GDAP1: variants seen among roughly 807,000 people sequenced by gnomAD.
GDAP1 encodes the protein ganglioside induced differentiation associated protein 1, also known as ganglioside-induced differentiation-associated protein 1.
Under a neutral mutation model 40.1 loss-of-function variants are expected in GDAP1, and 34 were observed. The ratio of observed to expected loss-of-function variants is 0.85; its 90% CI spans 0.64 to 1.13. The LOEUF (loss-of-function observed/expected upper bound fraction) is 1.13. Ranked by LOEUF, GDAP1 falls within the 50% of genes most tolerant of loss-of-function variation. The probability of loss-of-function intolerance (pLI) is 0.00; values close to 1 mark genes in which losing one functional copy is unlikely to be tolerated. For missense variants in GDAP1, 374 were observed against 433.7 expected (o/e 0.86, Z 1.22); for synonymous variants, 170 against 157.4 (o/e 1.08, Z -0.60).
intron 2 of GDAP1, among the ~76,000 whole-genome samples, chr8:74,447,105 ACT>A (rs1279476208): frequency 2.6e-5 from 4 of 152,140 alleles, no homozygotes; most frequent in Admixed American, 1.3e-4. Flanking sequence ...ATGAAAAAAC[ACT>A]CTATTTTATA....
At chr8:74,417,649 C>T (rs781306472) in intron 2 of GDAP1, among the ~76,000 whole-genome samples, 7 of 145,764 alleles carry the variant, frequency 4.8e-5, no homozygotes, top group Middle Eastern at 3.5e-3. Context: ...CCCAACTACT[C>T]GGGAGGCCAA....
chr8:74,380,965 A>C (rs991064670), intron 2 of GDAP1, among the ~76,000 whole-genome samples: 1 of 152,102 alleles, frequency 6.6e-6, no homozygotes, highest in Non-Finnish European at 1.5e-5. Flanking sequence ...TGTCCAGTGC[A>C]ATTTTCTTTG....
chr8:74,420,260 G>GGTCA (rs1257576417), intron 2 of GDAP1, among the ~76,000 whole-genome samples: 2 of 152,018 alleles, frequency 1.3e-5, no homozygotes, highest in East Asian at 3.9e-4. Flanking sequence ...AAATGGAAGT[G>GGTCA]GTCAGTCTTT....
At chr8:74,358,253 G>C (rs1167906309) in intron 2 of GDAP1, among the ~76,000 whole-genome samples, 1 of 152,188 alleles carries the variant, frequency 6.6e-6, no homozygotes, top group African/African-American at 2.4e-5. Context: ...TGTTTTTCCT[G>C]CTCTCATTCA....
chr8:74,396,709 T>C (rs991215501), intron 2 of GDAP1, among the ~76,000 whole-genome samples: 2 of 152,242 alleles, frequency 1.3e-5, no homozygotes, highest in African/African-American at 4.8e-5. Context: ...GGCTGCATAG[T>C]ATTCCATGGT....
intron 2 of GDAP1, among the ~76,000 whole-genome samples, chr8:74,476,415 A>G (rs13265028): frequency 0.39 from 58,847 of 151,984 alleles, 11,946 homozygotes; most frequent in East Asian, 0.47. Context: ...TGCAGTGGCC[A>G]ATAATGGTCT....
intron 2 of GDAP1, among the ~76,000 whole-genome samples, chr8:74,479,861 G>C (rs1287398695): frequency 1.3e-5 from 2 of 152,150 alleles, no homozygotes; most frequent in Admixed American, 1.3e-4. Flanking sequence ...GAGGCTGTAG[G>C]GTTTTTTGAG....
downstream of GDAP1, among the ~76,000 whole-genome samples, chr8:74,370,624 C>T (rs1809731717): frequency 3.9e-5 from 6 of 152,152 alleles, no homozygotes; most frequent in Admixed American, 3.9e-4. Context: ...AGGTGGTAGA[C>T]TTAAACACAC....
Position 74,412,205 on chromosome 8 carries a change from T to C in GDAP1, c.165+60884T>C, listed in dbSNP as rs899109366. 6.7e-5 allele frequency among the ~76,000 whole-genome samples: 10 copies of C among 150,144 alleles called. 1 individual carries two copies. Among genetic ancestry groups the C allele is most frequent in the Admixed American group, 2.0e-4 (3 of 15,242 alleles). ...ATTGGATGAGTTAAAAATCAGATTA[T>C]AGTTAGACAAAGAGAAAATGATTAA... On this transcript the variant is annotated intron_variant, in intron 2 of 2. Coordinates refer to the GDAP1 transcript ENST00000523640.
chr8:74,473,963 G>T (rs1416430531), intron 2 of GDAP1, among the ~76,000 whole-genome samples: 3 of 152,028 alleles, frequency 2.0e-5, no homozygotes, highest in African/African-American at 7.3e-5. Context: ...CCATTTATTT[G>T]TTTCACCTCT....
intron 2 of GDAP1, among the ~76,000 whole-genome samples, chr8:74,378,457 G>A (rs1188851026): frequency 2.0e-5 from 3 of 152,188 alleles, no homozygotes; most frequent in African/African-American, 7.2e-5. Context: ...CTCTAAAGTG[G>A]TGGCCTCCCT....
intron 3 of GDAP1, among the ~76,000 whole-genome samples, 163 bp downstream of exon 3, chr8:74,360,473 T>A (rs1809311141): frequency 6.6e-6 from 1 of 152,236 alleles, no homozygotes; most frequent in African/African-American, 2.4e-5. Context: ...ACCAGTCGGA[T>A]TAATCTGTGC....
At chr8:74,471,555 T>G (rs1407442035) in intron 2 of GDAP1, among the ~76,000 whole-genome samples, 1 of 152,174 alleles carries the variant, frequency 6.6e-6, no homozygotes, top group African/African-American at 2.4e-5. Context: ...TGATTTTTCA[T>G]TGACTTTTTA....
Position 74,376,043 on chromosome 8 carries a change from C to A in GDAP1, c.165+24722C>A, listed in dbSNP as rs181148187. On this transcript the variant is annotated intron_variant, in intron 2 of 2. Transcript: ENST00000523640. ...ACCAAAAAAGGTAAAACACTAAACA[C>A]TTAGAATTTAACCGATGTATAATAC... is the stretch of plus-strand genomic sequence containing the variant. 2.8e-4 allele frequency among the ~76,000 whole-genome samples: 42 copies of A among 152,210 alleles called. No individual in the cohort carries two copies. The East Asian group carries it at 5.8e-3, about 21-fold the overall frequency.
At chr8:74,474,824 G>A (rs1586846564) in intron 2 of GDAP1, among the ~76,000 whole-genome samples, 1 of 152,124 alleles carries the variant, frequency 6.6e-6, no homozygotes, top group Admixed American at 6.6e-5. Context: ...AGTTGGGGAG[G>A]GATCCCTTCT....
chr8:74,361,735 T>G (rs541643635), intron 3 of GDAP1, 149 bp from the exon 4 acceptor site: 10 of 653,504 alleles, frequency 1.5e-5, no homozygotes, highest in Non-Finnish European at 2.8e-5. Flanking sequence ...GTGAGGAAAC[T>G]GAGGCATAGA....
intron 2 of GDAP1, among the ~76,000 whole-genome samples, chr8:74,401,112 T>A (rs1226972230): frequency 6.7e-6 from 1 of 149,378 alleles, no homozygotes; most frequent in Non-Finnish European, 1.5e-5. Context: ...CTTGCTAGAT[T>A]GGGGAAGTTC....
intron 2 of GDAP1, among the ~76,000 whole-genome samples, chr8:74,372,211 T>A (rs1314523788): frequency 1.3e-5 from 2 of 152,208 alleles, no homozygotes; most frequent in South Asian, 4.1e-4. Context: ...GTATTGTGAA[T>A]AGTGCCGCAA....
intron 2 of GDAP1, among the ~76,000 whole-genome samples, chr8:74,442,217 C>T (rs371844032): frequency 6.6e-6 from 1 of 152,160 alleles, no homozygotes; most frequent in Admixed American, 6.5e-5. Context: ...GGAGACAATA[C>T]GGGGAAATAC....
Sources: allele counts gnomAD v4.1 joint callset (sites outside exome capture counted in the v4.1 genomes callset), GRCh38; gene constraint gnomAD v4.1.1; transcripts MANE v1.5; gene names NCBI Gene and HGNC (gene_info 2026-07-23, HGNC 2026-07-21).